Variants in DCHS2 observed in about 807,000 individuals in gnomAD.
The protein encoded by DCHS2 is protocadherin-23.
In DCHS2, 142 loss-of-function variants were observed where a neutral mutation model predicts 182.4. The ratio of observed to expected loss-of-function variants is 0.78; its 90% CI spans 0.68 to 0.89. The LOEUF is 0.89. Among genes scored for constraint, DCHS2 ranks in the 40% least tolerant of loss-of-function variants. The pLI is 0.00. For missense variants in DCHS2, 4,319 were observed against 4,198.6 expected (o/e 1.03, Z -0.79); for synonymous variants, 1,740 against 1,663.3 (o/e 1.05, Z -1.12).
chr4:154,266,402 A>T (rs1307896608), intron 14 of DCHS2, among the ~76,000 whole-genome samples: 1 of 152,072 alleles, frequency 6.6e-6, no homozygotes, highest in Non-Finnish European at 1.5e-5. Flanking sequence ...TTCGCCTGTA[A>T]TCCCAGAACT....
chr4:154,275,953 A>G (rs1227699924), intron 13 of DCHS2, among the ~76,000 whole-genome samples: 1 of 152,156 alleles, frequency 6.6e-6, no homozygotes, highest in Non-Finnish European at 1.5e-5. Flanking sequence ...ATTTCATTCA[A>G]TGAAAATACT....
At chr4:154,486,358 T>A (rs151265868) in intron 1 of DCHS2, 1 of 1,276,018 alleles carries the variant, frequency 7.8e-7, no homozygotes, top group Non-Finnish European at 1.0e-6. Context: ...ACCCCAAACA[T>A]TGGGGATGTG....
intron 1 of DCHS2, among the ~76,000 whole-genome samples, chr4:154,390,468 C>A (rs1356173875): frequency 6.6e-6 from 1 of 151,818 alleles, no homozygotes; most frequent in Non-Finnish European, 1.5e-5. Flanking sequence ...GACTAATGCT[C>A]AAAAGTTACC....
At chr4:154,487,953 G>A (rs1442610040) in intron 1 of DCHS2, among the ~76,000 whole-genome samples, 2 of 152,114 alleles carry the variant, frequency 1.3e-5, no homozygotes, top group African/African-American at 2.4e-5. Context: ...TGAGGCGGGA[G>A]TATCATTTGA....
At chr4:154,378,136 C>A (rs1448477010) in intron 1 of DCHS2, among the ~76,000 whole-genome samples, 6 of 152,242 alleles carry the variant, frequency 3.9e-5, no homozygotes, top group African/African-American at 1.2e-4. Context: ...CTGACATGCC[C>A]AGAGGAAAAG....
intron 1 of DCHS2, among the ~76,000 whole-genome samples, chr4:154,379,324 T>G (rs1374818380): frequency 6.6e-6 from 1 of 152,172 alleles, no homozygotes; most frequent in Non-Finnish European, 1.5e-5. Context: ...CAGCTCACAT[T>G]CCACTGGGCA....
chr4:154,424,122 G>C (rs1262842799), intron 1 of DCHS2, among the ~76,000 whole-genome samples: 1 of 152,164 alleles, frequency 6.6e-6, no homozygotes, highest in Admixed American at 6.5e-5. Flanking sequence ...AGGTTTCATT[G>C]CTGCATCCTT....
At chr4:154,287,151 C>T (rs1337082100) in intron 13 of DCHS2, among the ~76,000 whole-genome samples, 1 of 152,062 alleles carries the variant, frequency 6.6e-6, no homozygotes, top group African/African-American at 2.4e-5. Flanking sequence ...CTTTTCCATA[C>T]AAACAAAAGC....
At chr4:154,313,665 G>A (rs1735751801) in intron 10 of DCHS2, among the ~76,000 whole-genome samples, 1 of 152,072 alleles carries the variant, frequency 6.6e-6, no homozygotes, top group Admixed American at 6.6e-5. Flanking sequence ...AAATATATTC[G>A]AAAGTACGTG....
intron 13 of DCHS2, among the ~76,000 whole-genome samples, chr4:154,287,103 A>C (rs1734439228): frequency 6.6e-6 from 1 of 152,210 alleles, no homozygotes; most frequent in Non-Finnish European, 1.5e-5. Context: ...TACCATACTC[A>C]GTGAAAATAT....
chr4:154,462,792 T>C (rs1735066194), intron 1 of DCHS2, among the ~76,000 whole-genome samples: 2 of 152,244 alleles, frequency 1.3e-5, no homozygotes, highest in African/African-American at 4.8e-5. Flanking sequence ...AAGACATAAA[T>C]GTATAAACCC....
chr4:154,490,370 C>T lies in DCHS2; in HGVS notation c.986G>A (p.Gly329Asp), dbSNP rs1006489811. 1 of 1,536,212 alleles carries T rather than the reference C, an allele frequency of 6.5e-7. No homozygotes were observed. Among genetic ancestry groups the T allele is most frequent in the Non-Finnish European group, 8.7e-7 (1 of 1,145,104 alleles). ...GGCGCGGACGCTGTAGCGCACGAAG[C>T]CATTGGGCCCCAGGTCGCGGTCGGT... Reference protein sequence around the residue: ...RATDRDLGPNGFVRYSVRARQ... With the variant: ...RATDRDLGPNDFVRYSVRARQ... Residue 329 changes from glycine (G) to aspartate (D), a missense_variant, in exon 1 of 20, where the codon GGC (glycine) becomes GAC (aspartate). Physicochemically the swap from Gly to Asp is moderately conservative, Grantham distance 94. Transcript: ENST00000357232.
intron 10 of DCHS2, among the ~76,000 whole-genome samples, chr4:154,314,246 C>T (rs537936526): frequency 6.6e-6 from 1 of 152,272 alleles, no homozygotes; most frequent in Admixed American, 6.5e-5. Flanking sequence ...TTGCATTGCT[C>T]AGCACCCTGT....
Position 154,233,826 on chromosome 4 carries a change from C to A in DCHS2, c.*710G>T, listed in dbSNP as rs1731307304. 6.6e-6 allele frequency: 1 copy of A among 152,078 alleles called. No individual in the cohort carries two copies. The highest frequency in any genetic ancestry group is 1.5e-5 in the Non-Finnish European group (1 of 67,998). The allele number at this position is 152,078 out of a possible 1,614,324, so 9.4% of individuals were successfully genotyped here. A position where few individuals can be genotyped will look rare whatever the true frequency, so the allele number is the denominator to read the frequency against. ...ATCCTGGCCCTCTATCAGGAACATG[C>A]ATTTCTGGTTTATTGAATCATGAAT... On this transcript the variant is annotated 3_prime_UTR_variant, in exon 20 of 20. Coordinates refer to ENST00000357232, the MANE Select transcript of DCHS2 (RefSeq NM_001358235.2).
chr4:154,261,509 G>T (rs1732983609), intron 14 of DCHS2, among the ~76,000 whole-genome samples: 1 of 152,142 alleles, frequency 6.6e-6, no homozygotes. Flanking sequence ...ACTATGGCCT[G>T]GGAGCTGCAG....
At chr4:154,357,446 C>T (rs1729926965) in intron 3 of DCHS2, 1 of 641,436 alleles carries the variant, frequency 1.6e-6, no homozygotes, top group African/African-American at 1.8e-5. Context: ...GCAAATAATT[C>T]ACAATCTTTC....
chr4:154,337,028 T>A (rs1728844914), intron 3 of DCHS2, among the ~76,000 whole-genome samples: 1 of 152,192 alleles, frequency 6.6e-6, no homozygotes, highest in East Asian at 1.9e-4. Flanking sequence ...CACCAGCTTT[T>A]AGTAACCATA....
In DCHS2 at chr4:154,489,301, C is replaced by A; in HGVS notation, c.2052+3G>T. The A allele has an allele frequency of 6.6e-7, 1 of 1,509,258 alleles. No individual in the cohort carries two copies. The highest frequency in any genetic ancestry group is 8.9e-7 in the Non-Finnish European group (1 of 1,121,342). The allele number at this position is 1,509,258 out of a possible 1,614,324, so 93.5% of individuals were successfully genotyped here. On this transcript the variant is annotated splice_donor_region_variant and intron_variant, in intron 1 of 19. Coordinates refer to ENST00000357232, the MANE Select transcript of DCHS2 (RefSeq NM_001358235.2). ...GGTTGGCCCACAGGCCTGATGCACT[C>A]ACCTGCAGAAAGCAGTGTCCAACCG...
intron 2 of DCHS2, among the ~76,000 whole-genome samples, chr4:154,374,632 C>T (rs1730802529): frequency 6.6e-6 from 1 of 152,094 alleles, no homozygotes; most frequent in Non-Finnish European, 1.5e-5. Context: ...AAGGGCTGTA[C>T]TTCATGTTCA....
Sources: gnomAD v4.1 joint callset for allele counts (sites outside exome capture counted in the v4.1 genomes callset) on GRCh38, gnomAD v4.1.1 for gene constraint, MANE v1.5 for transcripts, NCBI Gene and HGNC (gene_info 2026-07-23, HGNC 2026-07-21) for gene names.